The following RGR variants were observed in gnomAD, a reference collection of about 807,000 sequenced individuals.
The protein encoded by RGR is RPE-retinal G protein-coupled receptor.
Under a neutral mutation model 28.6 loss-of-function variants are expected in RGR, and 30 were observed. The observed-to-expected ratio is 1.05, with a 90% CI of 0.78 to 1.42. The LOEUF is 1.42. Among genes scored for constraint, RGR ranks in the 40% most tolerant of loss-of-function variants. The pLI is 0.00. For synonymous variants in RGR, 180 were observed against 156.4 expected (o/e 1.15, Z -1.13); for missense variants, 404 against 375.6 (o/e 1.08, Z -0.62).
At chr10:84,248,700 T>C (rs1010735522) in intron 2 of RGR, 10 of 679,074 alleles carry the variant, frequency 1.5e-5, no homozygotes, top group Admixed American at 4.7e-5. Flanking sequence ...GGCCCAACCA[T>C]GGTGCAGTCA....
At position 84,258,727 on chromosome 10, in the gene RGR, C is replaced by A. The variant is rs1302799145; in HGVS notation, c.*88C>A. ...TCAGTGGCCAAGCCCAGACACTCAC[C>A]CACCTTCCCCAGTGGCCCCGTGGAT... On this transcript the variant is annotated 3_prime_UTR_variant, in exon 7 of 7. Coordinates refer to ENST00000652092, the MANE Select transcript of RGR (RefSeq NM_001012720.2). The A allele has an allele frequency of 1.3e-6, 2 of 1,580,542 alleles. No individual in the cohort carries two copies. Among genetic ancestry groups the A allele is most frequent in the Non-Finnish European group, 1.7e-6 (2 of 1,159,184 alleles).
intron 1 of RGR, among the ~76,000 whole-genome samples, chr10:84,245,958 T>C (rs1842741689): frequency 6.6e-6 from 1 of 152,128 alleles, no homozygotes; most frequent in Admixed American, 6.5e-5. Flanking sequence ...CATCAGCACG[T>C]TTTCTCACCT....
rs1380002034 is a variant in RGR at position 84,259,793 on chromosome 10, G to GTCTGGATAATATAT, written c.*1169_*1182dup. 2 of 151,944 alleles carry GTCTGGATAATATAT rather than the reference G, an allele frequency of 1.3e-5. No homozygotes were observed. Among genetic ancestry groups the GTCTGGATAATATAT allele is most frequent in the African/African-American group, 4.8e-5 (2 of 41,368 alleles). 9.4% of individuals were successfully genotyped at this position (151,944 alleles called of 1,614,324 possible). A position where few individuals can be genotyped will look rare whatever the true frequency, so the allele number is the denominator to read the frequency against. ...AGTTTCTTATATATTCTGGATAATA[G>GTCTGGATAATATAT]TCTGGATAATATATTCTGGATAATA... On this transcript the variant is annotated 3_prime_UTR_variant, in exon 7 of 7. Coordinates refer to ENST00000652092, the MANE Select transcript of RGR (RefSeq NM_001012720.2).
chr10:84,258,144 C>T lies in RGR; in HGVS notation c.744+138C>T, dbSNP rs1006257991. 6 of 858,162 alleles carry T rather than the reference C, an allele frequency of 7.0e-6. No individual in the cohort carries two copies. In the South Asian group the frequency reaches 8.8e-5, roughly 13 times the overall value. 53.2% of individuals were successfully genotyped at this position (858,162 alleles called of 1,614,324 possible). ...TTTCTTCCTTTGGATACTCACAAGG[C>T]ATAGAGCATTAGTTTGCCCCCCTAA... On this transcript the variant is annotated intron_variant, in intron 6 of 6. Coordinates refer to ENST00000652092, the MANE Select transcript of RGR (RefSeq NM_001012720.2).
intron 2 of RGR, 62 bp from the exon 3 acceptor site, chr10:84,248,860 G>A (rs545256169): frequency 1.2e-6 from 2 of 1,614,110 alleles, no homozygotes; most frequent in South Asian, 1.1e-5. Context: ...AGCTGTACTT[G>A]GCAGGTGTGG....
intron 5 of RGR, 76 bp downstream of exon 5, chr10:84,254,519 G>A (rs371661987): frequency 6.7e-6 from 8 of 1,200,042 alleles, no homozygotes; most frequent in Admixed American, 1.7e-5. Flanking sequence ...ACAAAGAATT[G>A]GATGTGACAC....
intron 5 of RGR, chr10:84,255,142 C>G (rs1053389731): frequency 1.9e-5 from 3 of 156,242 alleles, no homozygotes. Context: ...CTCAGGGACA[C>G]CAGGGAATAT....
chr10:84,251,877 C>G (rs1842822560), intron 3 of RGR, among the ~76,000 whole-genome samples: 1 of 152,196 alleles, frequency 6.6e-6, no homozygotes. Flanking sequence ...AAGGTCACAT[C>G]CAAGCAAACT....
rs879814339 is a variant in RGR, at chr10:84,259,825, A to ATATT, written c.*1186_*1187insTATT. The ATATT allele has an allele frequency of 2.0e-5, 3 of 152,114 alleles. No individual in the cohort carries two copies. Among genetic ancestry groups the ATATT allele is most frequent in the Non-Finnish European group, 2.9e-5 (2 of 68,026 alleles). 9.4% of individuals were successfully genotyped at this position (152,114 alleles called of 1,614,324 possible). A position where few individuals can be genotyped will look rare whatever the true frequency, so the allele number is the denominator to read the frequency against. The stretch of plus-strand genomic sequence containing the variant: ...TAATATATTCTGGATAATATATAAT[A>ATATT]GTCTTATATATTCTGGATATATTCT... On this transcript the variant is annotated 3_prime_UTR_variant, in exon 7 of 7. Coordinates refer to ENST00000652092, the MANE Select transcript of RGR (RefSeq NM_001012720.2).
At chr10:84,251,856 G>T (rs973150793) in intron 3 of RGR, among the ~76,000 whole-genome samples, 8 of 152,176 alleles carry the variant, frequency 5.3e-5, no homozygotes, top group Non-Finnish European at 5.9e-5. Context: ...CAAACATTCA[G>T]TTCATATCAG....
At chr10:84,248,828 G>A (rs1842779173) in intron 2 of RGR, 94 bp from the exon 3 acceptor site, 1 of 1,609,288 alleles carries the variant, frequency 6.2e-7, no homozygotes, top group Non-Finnish European at 8.5e-7. Flanking sequence ...AAGAAGGGCA[G>A]CATTCAGGAA....
At position 84,256,846 on chromosome 10, in the gene RGR, A is replaced by G. The variant is rs1160839848; in HGVS notation, c.631-1047A>G. Among the ~76,000 whole-genome samples the G allele has an allele frequency of 3.9e-5, 6 of 152,188 alleles. No homozygotes were observed. In the East Asian group the frequency reaches 9.7e-4, roughly 25 times the overall value. ...CCATTGTCTCTGGTGGGCATCGCCA[A>G]GGTCACACGCAGGGGTCCAGGGACC... On this transcript the variant is annotated intron_variant, in intron 5 of 6. Transcript: ENST00000652092.
intron 5 of RGR, among the ~76,000 whole-genome samples, chr10:84,256,055 C>CTTTTTTTTT (rs1564551538): frequency 6.0e-5 from 4 of 66,502 alleles, no homozygotes; most frequent in African/African-American, 2.2e-4. Flanking sequence ...TTTTTTTTTC[C>CTTTTTTTTT]TTTCTTTTTT....
At chr10:84,246,552 A>T (rs1462335632) in intron 1 of RGR, among the ~76,000 whole-genome samples, 2 of 152,198 alleles carry the variant, frequency 1.3e-5, no homozygotes, top group Non-Finnish European at 2.9e-5. Context: ...TGCTGTAATA[A>T]GACATTATTT....
rs571639109 is a variant in RGR at position 84,249,023 on chromosome 10, G to A, written c.338G>A (p.Arg113His). ...AGCAGTGCAGCCATCGCATGGGGGC[G>A]TTATCACCACTACTGCACCCGTATG... Reference protein sequence around the residue: ...ICSSAAIAWGRYHHYCTRSQL... With the variant: ...ICSSAAIAWGHYHHYCTRSQL... The change falls in exon 3 of 7, where the codon CGT (arginine) becomes CAT (histidine). Residue 113 changes from arginine to histidine, a missense_variant. Coordinates refer to ENST00000652092, the MANE Select transcript of RGR (RefSeq NM_001012720.2). 63 of 1,614,064 alleles carry A rather than the reference G, an allele frequency of 3.9e-5. No homozygotes were observed. The highest frequency in any genetic ancestry group is 3.6e-4 in the South Asian group (33 of 91,072).
At position 84,259,294 on chromosome 10, in the gene RGR, T is replaced by C. The variant is rs1393252910; in HGVS notation, c.*655T>C. The C allele has an allele frequency of 6.5e-6, 1 of 153,554 alleles. No homozygotes were observed. Among genetic ancestry groups the C allele is most frequent in the Non-Finnish European group, 1.4e-5 (1 of 69,426 alleles). The allele number at this position is 153,554 out of a possible 1,614,324, so 9.5% of individuals were successfully genotyped here. A position where few individuals can be genotyped will look rare whatever the true frequency, so the allele number is the denominator to read the frequency against. ...ATGTAACGTTTTCTTTATCCAATCA[T>C]CTGTTGATGGATAGATTCCATATCT... On this transcript the variant is annotated 3_prime_UTR_variant, in exon 7 of 7. Transcript: ENST00000652092.
chr10:84,257,962 G>C lies in RGR; in HGVS notation c.700G>C (p.Ala234Pro). 1.2e-6 allele frequency: 2 copies of C among 1,614,116 alleles called. 1 individual carries two copies. The highest frequency in any genetic ancestry group is 2.2e-5 in the South Asian group (2 of 91,076). The change falls in exon 6 of 7, where the codon GCA becomes CCA. Residue 234 changes from alanine (A) to proline (P), a missense_variant. Transcript: ENST00000652092. ...CCCCTATGCCATCCTGTATCTATACGCAGTCATCGCAGACGTGACTTCCAT... is the reference window on the plus strand; with the variant it reads ...CCCCTATGCCATCCTGTATCTATACCCAGTCATCGCAGACGTGACTTCCAT... ...WGPYAILYLY[A>P]VIADVTSISP...
intron 4 of RGR, among the ~76,000 whole-genome samples, chr10:84,253,770 C>G (rs1842848770): frequency 6.6e-6 from 1 of 152,182 alleles, no homozygotes; most frequent in Non-Finnish European, 1.5e-5. Flanking sequence ...AGCCAGGGTC[C>G]AGTCCTTCCA....
intron 1 of RGR, among the ~76,000 whole-genome samples, chr10:84,247,316 C>T (rs79447391): frequency 0.017 from 2,551 of 152,224 alleles, 80 homozygotes; most frequent in African/African-American, 0.059. Flanking sequence ...TGTCTCTGAG[C>T]CTCAGTTTCC....
Sources: allele counts gnomAD v4.1 joint callset (sites outside exome capture counted in the v4.1 genomes callset), GRCh38; gene constraint gnomAD v4.1.1; transcripts MANE v1.5; gene names NCBI Gene and HGNC (gene_info 2026-07-23, HGNC 2026-07-21).